B3GALT1: variants seen among roughly 807,000 people sequenced by gnomAD.
The protein encoded by B3GALT1 is UDP-Gal:betaGlcNAc beta 1,3-galactosyltransferase, polypeptide 1.
A neutral mutation model predicts 23.2 loss-of-function variants in B3GALT1; 10 were observed. The observed-to-expected ratio is 0.43, with a 90% CI of 0.27 to 0.73. B3GALT1 has a LOEUF of 0.73. B3GALT1 is among the 30% of genes least tolerant of loss of function. The pLI, the probability that B3GALT1 is intolerant of heterozygous loss-of-function variation, is 0.21. For missense variants in B3GALT1, 299 were observed against 405.4 expected (o/e 0.74, Z 2.25); for synonymous variants, 156 against 141.5 (o/e 1.10, Z -0.73).
At chr2:167,367,632 A>G (rs143088427) in intron 1 of B3GALT1, among the ~76,000 whole-genome samples, 208 of 152,304 alleles carry the variant, frequency 1.4e-3, no homozygotes, top group African/African-American at 4.7e-3. Context: ...TGAAAAATCA[A>G]CCATTGTCAA....
intron 2 of B3GALT1, among the ~76,000 whole-genome samples, chr2:167,595,723 C>G (rs1167312277): frequency 6.6e-6 from 1 of 152,106 alleles, no homozygotes; most frequent in Non-Finnish European, 1.5e-5. Context: ...GAAATGAGAA[C>G]ACAGTCAATA....
chr2:167,358,173 G>T (rs1697444440), intron 1 of B3GALT1, among the ~76,000 whole-genome samples: 1 of 152,134 alleles, frequency 6.6e-6, no homozygotes, highest in African/African-American at 2.4e-5. Context: ...AATGGAGTCG[G>T]AGCCAATTAC....
intron 2 of B3GALT1, among the ~76,000 whole-genome samples, chr2:167,538,641 A>T (rs1683473034): frequency 6.6e-6 from 1 of 152,224 alleles, no homozygotes; most frequent in South Asian, 2.1e-4. Context: ...AGATGTCTTT[A>T]GTTATTCTCC....
At chr2:167,836,363 A>C (rs1689470918) in intron 4 of B3GALT1, among the ~76,000 whole-genome samples, 2 of 152,210 alleles carry the variant, frequency 1.3e-5, no homozygotes, top group African/African-American at 4.8e-5. Context: ...CCAAGGCTCG[A>C]GAACTATGTG....
chr2:167,455,072 G>A (rs1032383762), intron 1 of B3GALT1, among the ~76,000 whole-genome samples: 2 of 152,168 alleles, frequency 1.3e-5, no homozygotes, highest in African/African-American at 2.4e-5. Context: ...AGAATTCCAT[G>A]TACGTAAGTT....
intron 2 of B3GALT1, among the ~76,000 whole-genome samples, chr2:167,636,928 T>C (rs967015200): frequency 6.6e-6 from 1 of 151,960 alleles, no homozygotes; most frequent in Non-Finnish European, 1.5e-5. Context: ...GGCATGTGTA[T>C]ACCTATGTAA....
chr2:167,780,806 T>G (rs769102410), intron 3 of B3GALT1, among the ~76,000 whole-genome samples: 3 of 152,210 alleles, frequency 2.0e-5, no homozygotes, highest in Non-Finnish European at 4.4e-5. Flanking sequence ...ACAGGCAGCA[T>G]GAATTAATGT....
At chr2:167,387,295 G>C (rs1697943747) in intron 1 of B3GALT1, among the ~76,000 whole-genome samples, 2 of 152,072 alleles carry the variant, frequency 1.3e-5, no homozygotes, top group African/African-American at 4.8e-5. Flanking sequence ...GAAACCATTT[G>C]ATTTTGTCAG....
chr2:167,599,310 A>G (rs1019598029), intron 2 of B3GALT1, among the ~76,000 whole-genome samples: 3 of 152,348 alleles, frequency 2.0e-5, no homozygotes, highest in Middle Eastern at 3.4e-3. Flanking sequence ...AGTATAAGTC[A>G]TAATAGAAGA....
At chr2:167,439,521 C>T (rs1250190034) in intron 1 of B3GALT1, among the ~76,000 whole-genome samples, 2 of 151,866 alleles carry the variant, frequency 1.3e-5, no homozygotes, top group African/African-American at 4.8e-5. Flanking sequence ...CTTATTATTG[C>T]TATATTTTTC....
At chr2:167,792,438 A>G (rs1246792579) in intron 3 of B3GALT1, among the ~76,000 whole-genome samples, 3 of 152,214 alleles carry the variant, frequency 2.0e-5, no homozygotes, top group Non-Finnish European at 2.9e-5. Context: ...TGGTAAAGTT[A>G]CCTATAAGAT....
In B3GALT1 at chr2:167,660,406, A is replaced by G. The variant is rs905596166; in HGVS notation, c.-352+13440A>G. On this transcript the variant is annotated intron_variant, in intron 3 of 4. Transcript: ENST00000392690. ...AGGGAATAACTTTAATGCAGTTAAG[A>G]TAAGTTCAAAGATGATTCAGTAGAA... is the stretch of plus-strand genomic sequence containing the variant. Among the ~76,000 whole-genome samples, 34 of 152,080 alleles carry G rather than the reference A, an allele frequency of 2.2e-4. 1 individual carries two copies. Among genetic ancestry groups the G allele is most frequent in the Non-Finnish European group, 1.5e-5 (1 of 67,992 alleles).
At chr2:167,812,564 A>C (rs916856412) in intron 3 of B3GALT1, among the ~76,000 whole-genome samples, 2 of 152,250 alleles carry the variant, frequency 1.3e-5, no homozygotes, top group African/African-American at 4.8e-5. Flanking sequence ...ATAAAATTAC[A>C]TCAAAATTTT....
At chr2:167,741,452 G>T (rs1167285240) in intron 3 of B3GALT1, among the ~76,000 whole-genome samples, 1 of 152,166 alleles carries the variant, frequency 6.6e-6, no homozygotes, top group African/African-American at 2.4e-5. Flanking sequence ...AAATACCAAG[G>T]TGGGGTGGAT....
Position 167,839,698 on chromosome 2 carries a change from C to G in B3GALT1, c.-230+20905C>G, listed in dbSNP as rs547807596. On this transcript the variant is annotated intron_variant, in intron 4 of 4. Coordinates refer to ENST00000392690, the MANE Select transcript of B3GALT1 (RefSeq NM_020981.4). ...AACTACTTTAAAGTTCATATGGAAC[C>G]AAAAAAGAGCCCGCCTTGTCAAGTC... is the stretch of plus-strand genomic sequence containing the variant. Among the ~76,000 whole-genome samples the G allele has an allele frequency of 4.9e-3, 749 of 152,238 alleles. 3 individuals carry two copies. The highest frequency in any genetic ancestry group is 0.017 in the African/African-American group (699 of 41,536).
intron 3 of B3GALT1, among the ~76,000 whole-genome samples, chr2:167,651,002 T>TA (rs1340551434): frequency 4.6e-5 from 7 of 152,224 alleles, no homozygotes; most frequent in Non-Finnish European, 7.4e-5. Context: ...ACAAAATTCT[T>TA]AAGGAAGCAG....
chr2:167,297,217 C>CA (rs1190266529), intron 1 of B3GALT1, among the ~76,000 whole-genome samples: 1 of 152,002 alleles, frequency 6.6e-6, no homozygotes, highest in Non-Finnish European at 1.5e-5. Context: ...AAATTAACAA[C>CA]ATTTAAACAA....
intron 2 of B3GALT1, among the ~76,000 whole-genome samples, chr2:167,506,734 T>G (rs1400779104): frequency 2.0e-5 from 3 of 151,028 alleles, no homozygotes; most frequent in African/African-American, 7.4e-5. Context: ...AATACACACA[T>G]AGATAAAATA....
chr2:167,873,051 A>T lies in B3GALT1; in HGVS notation c.*3031A>T, dbSNP rs142394344. ...ACTTTTGTTAATTTTATGACATGAC[A>T]CTGGCCAAAATATTGTTTCAATTAC... is the stretch of plus-strand genomic sequence containing the variant. On this transcript the variant is annotated 3_prime_UTR_variant, in exon 5 of 5. Transcript: ENST00000392690. 2.6e-5 allele frequency: 4 copies of T among 152,306 alleles called. No homozygotes were observed. The highest frequency in any genetic ancestry group is 9.6e-5 in the African/African-American group (4 of 41,568). The allele number at this position is 152,306 out of a possible 1,614,324, so 9.4% of individuals were successfully genotyped here.
Sources: allele counts gnomAD v4.1 joint callset (sites outside exome capture counted in the v4.1 genomes callset), GRCh38; gene constraint gnomAD v4.1.1; transcripts MANE v1.5; gene names NCBI Gene and HGNC (gene_info 2026-07-23, HGNC 2026-07-21).